Variants in NCAPG observed in about 807,000 individuals in gnomAD.
NCAPG encodes the protein condensin complex subunit 3.
Under a neutral mutation model 113.1 loss-of-function variants are expected in NCAPG, and 69 were observed. The ratio of observed to expected loss-of-function variants is 0.61; its 90% CI spans 0.50 to 0.75. NCAPG has a LOEUF of 0.75. NCAPG is among the 30% of genes least tolerant of loss of function. The pLI, the probability that NCAPG is intolerant of heterozygous loss-of-function variation, is 0.00. For missense variants in NCAPG, 1,058 were observed against 1,177.0 expected (o/e 0.90, Z 1.48); for synonymous variants, 370 against 415.8 (o/e 0.89, Z 1.34).
chr4:17,826,894 C>T (rs1160745827), intron 11 of NCAPG, among the ~76,000 whole-genome samples: 3 of 152,228 alleles, frequency 2.0e-5, no homozygotes, highest in Non-Finnish European at 4.4e-5. Flanking sequence ...TTAATTACTT[C>T]ACAAATGTGA....
intron 10 of NCAPG, 123 bp from the exon 11 acceptor site, chr4:17,825,257 GTT>G: frequency 2.2e-6 from 2 of 903,544 alleles, no homozygotes; most frequent in Non-Finnish European, 3.3e-6. Flanking sequence ...AAAACTACAA[GTT>G]TGCATATGCC....
In NCAPG at chr4:17,844,225, T is replaced by C. The variant is rs566698697; in HGVS notation, c.*800T>C. The C allele has an allele frequency of 2.0e-5, 3 of 152,530 alleles. No individual in the cohort carries two copies. Among genetic ancestry groups the C allele is most frequent in the East Asian group, 3.9e-4 (2 of 5,182 alleles). The allele number at this position is 152,530 out of a possible 1,614,324, so 9.4% of individuals were successfully genotyped here. On this transcript the variant is annotated 3_prime_UTR_variant, in exon 21 of 21. Coordinates refer to ENST00000251496, the MANE Select transcript of NCAPG (RefSeq NM_022346.5). ...CTACCAATTTATGAGCACTATTCAC[T>C]GTCAATTTCATTTCTTGTCTTTTGA...
At chr4:17,834,032 C>T (rs1721981826) in intron 13 of NCAPG, among the ~76,000 whole-genome samples, 1 of 152,010 alleles carries the variant, frequency 6.6e-6, no homozygotes, top group Non-Finnish European at 1.5e-5. Flanking sequence ...AGCCTGACTC[C>T]AACTCCAGAA....
At chr4:17,828,580 A>G (rs1721744719) in intron 12 of NCAPG, among the ~76,000 whole-genome samples, 192 bp downstream of exon 12, 1 of 152,162 alleles carries the variant, frequency 6.6e-6, no homozygotes, top group African/African-American at 2.4e-5. Flanking sequence ...AAAGGACCTG[A>G]TATGTAAATT....
In NCAPG at chr4:17,811,389, C is replaced by A. The variant is rs1434837854; in HGVS notation, c.111+201C>A. On this transcript the variant is annotated intron_variant, in intron 1 of 20. Coordinates refer to ENST00000251496, the MANE Select transcript of NCAPG (RefSeq NM_022346.5). The surrounding 1 kb of genome is among the most constrained non-coding windows in gnomAD (Gnocchi z 5.3). ...GGCCCAGGCCAGAAAGCCTCCGAAG[C>A]CTGGGCGTCGTTCACACGGGCCCCG... 6.6e-6 allele frequency among the ~76,000 whole-genome samples: 1 copy of A among 152,228 alleles called. No homozygotes were observed. The highest frequency in any genetic ancestry group is 1.5e-5 in the Non-Finnish European group (1 of 68,040).
chr4:17,821,428 T>C (rs1193282793), intron 7 of NCAPG, among the ~76,000 whole-genome samples: 1 of 151,742 alleles, frequency 6.6e-6, no homozygotes, highest in Non-Finnish European at 1.5e-5. Flanking sequence ...ATACCACAAT[T>C]TCTGTAACTT....
At chr4:17,830,043 G>A (rs563046036) in intron 12 of NCAPG, among the ~76,000 whole-genome samples, 1 of 152,172 alleles carries the variant, frequency 6.6e-6, no homozygotes, top group Admixed American at 6.5e-5. Context: ...TATGGTAGCT[G>A]TCAGCCACAC....
rs752057289 is a variant in NCAPG at position 17,825,578 on chromosome 4, TC to T, written c.1653+18del. ...ATAGAGAAGGTACAGGTAACTTTTT[TC>T]ATACTAAATCTCAGGTGTTATTAAT... On this transcript the variant is annotated intron_variant, in intron 11 of 20. Transcript: ENST00000251496. 2.6e-6 allele frequency: 4 copies of T among 1,562,646 alleles called. No individual in the cohort carries two copies. The highest frequency in any genetic ancestry group is 3.4e-6 in the Non-Finnish European group (4 of 1,161,066).
intron 16 of NCAPG, among the ~76,000 whole-genome samples, chr4:17,838,755 A>C (rs1722204160): frequency 6.6e-6 from 1 of 152,114 alleles, no homozygotes; most frequent in Non-Finnish European, 1.5e-5. Flanking sequence ...CAATGTAGGG[A>C]ATTTGGAGTT....
At chr4:17,824,065 T>C (rs2109052190) in intron 9 of NCAPG, among the ~76,000 whole-genome samples, 1 of 152,256 alleles carries the variant, frequency 6.6e-6, no homozygotes, top group Non-Finnish European at 1.5e-5. Context: ...TGGGTGCTAG[T>C]GTTTTTGAGA....
At chr4:17,836,418 T>C (rs1722094291) in intron 14 of NCAPG, among the ~76,000 whole-genome samples, 1 of 152,184 alleles carries the variant, frequency 6.6e-6, no homozygotes, top group Non-Finnish European at 1.5e-5. Flanking sequence ...TTAATATACT[T>C]AGATGTATTA....
At chr4:17,840,754 A>T (rs1203212405) in intron 19 of NCAPG, 61 bp downstream of exon 19, 6 of 1,134,760 alleles carry the variant, frequency 5.3e-6, no homozygotes, top group African/African-American at 3.2e-5. Flanking sequence ...CCAATGAAAA[A>T]TACTTGTTTT....
At chr4:17,826,999 G>A (rs1721680427) in intron 11 of NCAPG, among the ~76,000 whole-genome samples, 1 of 152,300 alleles carries the variant, frequency 6.6e-6, no homozygotes, top group African/African-American at 2.4e-5. Flanking sequence ...CACACAGATA[G>A]TAAATGGTGG....
At chr4:17,822,758 A>G (rs2109050789) in intron 7 of NCAPG, among the ~76,000 whole-genome samples, 1 of 152,348 alleles carries the variant, frequency 6.6e-6, no homozygotes, top group Middle Eastern at 3.4e-3. Flanking sequence ...AATTTGAGTC[A>G]TTATTGAAAA....
intron 20 of NCAPG, 104 bp downstream of exon 20, chr4:17,842,483 A>C (rs1029483242): frequency 2.7e-5 from 24 of 879,044 alleles, no homozygotes; most frequent in Admixed American, 4.4e-5. Context: ...ATATATAACA[A>C]GATAGTGAAA....
chr4:17,831,513 A>T (rs1000326272), intron 13 of NCAPG, among the ~76,000 whole-genome samples: 11 of 152,306 alleles, frequency 7.2e-5, no homozygotes, highest in Non-Finnish European at 1.6e-4. Context: ...ATAGAGAAAA[A>T]TAAAGCAGAG....
intron 2 of NCAPG, among the ~76,000 whole-genome samples, chr4:17,812,635 C>T (rs1721038997): frequency 6.6e-6 from 1 of 152,104 alleles, no homozygotes; most frequent in Admixed American, 6.5e-5. Flanking sequence ...CCTCTTTAAA[C>T]CAGTTCTCCT....
At chr4:17,837,903 T>C (rs1722167951) in intron 16 of NCAPG, 102 bp downstream of exon 16, 34 of 1,275,746 alleles carry the variant, frequency 2.7e-5, no homozygotes, top group Admixed American at 7.4e-5. Context: ...GTCTTTAGAC[T>C]TCTGTCTCAA....
At position 17,827,842 on chromosome 4, in the gene NCAPG, G is replaced by C. The variant is rs922589690; in HGVS notation, c.1654-436G>C. 6.4e-5 allele frequency among the ~76,000 whole-genome samples: 8 copies of C among 125,402 alleles called. No homozygotes were observed. In the Admixed American group the frequency reaches 7.9e-4, roughly 12 times the overall value. 82.3% of individuals were successfully genotyped at this position (125,402 alleles called of 152,430 possible). ...TTTTTTTGAGACAACGTCTCCCTCT[G>C]TTGCCCAGGCTGGAGTGCAGTGGCA... On this transcript the variant is annotated intron_variant, in intron 11 of 20. Coordinates refer to ENST00000251496, the MANE Select transcript of NCAPG (RefSeq NM_022346.5).
Sources: allele counts gnomAD v4.1 joint callset (sites outside exome capture counted in the v4.1 genomes callset), GRCh38; gene constraint gnomAD v4.1.1; non-coding constraint Gnocchi (gnomAD v3.1); transcripts MANE v1.5; gene names NCBI Gene and HGNC (gene_info 2026-07-23, HGNC 2026-07-21).